Variants in TARM1 observed in about 807,000 individuals in gnomAD.
TARM1 encodes the protein T-cell-interacting, activating receptor on myeloid cells protein 1.
TARM1 carries 24 observed loss-of-function variants against 30.4 expected under a neutral mutation model. The ratio of observed to expected loss-of-function variants is 0.79; its 90% CI spans 0.57 to 1.11. TARM1 has a LOEUF of 1.11. Among genes scored for constraint, TARM1 ranks in the 50% least tolerant of loss-of-function variants. TARM1 has a pLI of 0.00. For synonymous variants in TARM1, 129 were observed against 138.9 expected, an observed-to-expected ratio of 0.93 and a Z score of 0.50; for missense variants, 323 against 332.8, an observed-to-expected ratio of 0.97 and a Z score of 0.23.
At chr19:54,074,435 C>A (rs2071893382) in intron 3 of TARM1, among the ~76,000 whole-genome samples, 1 of 152,214 alleles carries the variant, frequency 6.6e-6, no homozygotes, top group Admixed American at 6.5e-5. Flanking sequence ...GTAATCCCAG[C>A]ACTTTGGGAG....
Position 54,079,468 on chromosome 19 carries a change from T to C in TARM1, c.34+1839A>G, listed in dbSNP as rs587642192. Among the ~76,000 whole-genome samples, 280 of 152,278 alleles carry C rather than the reference T, an allele frequency of 1.8e-3. 2 individuals are homozygous for C. Among genetic ancestry groups the C allele is most frequent in the Middle Eastern group, 0.014 (4 of 294 alleles). ...CTGGGCGTGTCTGTGAGGGTGTTTT[T>C]AGAAAGATCAGCATTTGAATCTAAT... On this transcript the variant is annotated intron_variant, in intron 1 of 4. Coordinates refer to ENST00000432826, the MANE Select transcript of TARM1 (RefSeq NM_001135686.3).
At chr19:54,080,488 A>AAGGGAGGG (rs2072098202) in intron 1 of TARM1, among the ~76,000 whole-genome samples, 12 of 75,696 alleles carry the variant, frequency 1.6e-4, no homozygotes, top group Non-Finnish European at 2.8e-4. Flanking sequence ...GAGAGAGAGG[A>AAGGGAGGG]AGGAAGGGAG....
chr19:54,070,218 G>A, intron 4 of TARM1, 58 bp from the exon 5 acceptor site: 1 of 1,512,128 alleles, frequency 6.6e-7, no homozygotes, highest in East Asian at 2.5e-5. Flanking sequence ...CTTCTCAAAT[G>A]GCCCCACCAA....
intron 4 of TARM1, among the ~76,000 whole-genome samples, chr19:54,071,506 C>T (rs915175230): frequency 6.6e-6 from 1 of 151,972 alleles, no homozygotes; most frequent in Admixed American, 6.6e-5. Flanking sequence ...CACTGCTGTG[C>T]AGCAGTGCAC....
intron 1 of TARM1, among the ~76,000 whole-genome samples, chr19:54,080,500 A>AAGGAAGGAAGGAAGGAAGGAAGGG (rs2072100895): frequency 4.7e-5 from 2 of 42,380 alleles, no homozygotes; most frequent in Non-Finnish European, 8.9e-5. Flanking sequence ...GGAAGGGAGG[A>AAGGAAGGAAGGAAGGAAGGAAGGG]AGGAAGGAAG....
chr19:54,079,998 G>A (rs1374835235), intron 1 of TARM1, among the ~76,000 whole-genome samples: 2 of 99,554 alleles, frequency 2.0e-5, no homozygotes, highest in African/African-American at 9.2e-5. Context: ...GTGAGACTTT[G>A]TCTCAAAAAA....
At chr19:54,078,910 C>CAA (rs1434986706) in intron 1 of TARM1, among the ~76,000 whole-genome samples, 1 of 151,870 alleles carries the variant, frequency 6.6e-6, no homozygotes, top group Non-Finnish European at 1.5e-5. Flanking sequence ...CAAAAAAGAA[C>CAA]AAGTGTTATG....
chr19:54,075,276 C>G (rs1190950157), intron 2 of TARM1, among the ~76,000 whole-genome samples, 162 bp from the exon 3 acceptor site: 1 of 151,914 alleles, frequency 6.6e-6, no homozygotes, highest in Non-Finnish European at 1.5e-5. Flanking sequence ...CAACCTCCGT[C>G]TCCTGGGTTA....
intron 3 of TARM1, 121 bp downstream of exon 3, chr19:54,074,703 C>G (rs1238108822): frequency 9.2e-7 from 1 of 1,086,260 alleles, no homozygotes; most frequent in African/African-American, 1.6e-5. Context: ...GTTCCTGTCT[C>G]TCTCCCTCTC....
intron 1 of TARM1, among the ~76,000 whole-genome samples, chr19:54,080,009 A>T (rs2072055594): frequency 2.5e-5 from 1 of 39,898 alleles, no homozygotes; most frequent in Non-Finnish European, 4.4e-5. Flanking sequence ...TCTCAAAAAA[A>T]GGAAAAGGAG....
intron 1 of TARM1, among the ~76,000 whole-genome samples, chr19:54,077,294 C>T (rs990918783): frequency 4.6e-5 from 7 of 151,720 alleles, no homozygotes; most frequent in Admixed American, 3.3e-4. Context: ...GGCAGAGAAT[C>T]GCTTGAACCC....
intron 4 of TARM1, 147 bp downstream of exon 4, chr19:54,073,773 A>C: frequency 9.5e-7 from 1 of 1,049,808 alleles, no homozygotes; most frequent in East Asian, 2.6e-5. Flanking sequence ...GATGACAGGC[A>C]TGAGCCACCA....
intron 1 of TARM1, among the ~76,000 whole-genome samples, chr19:54,080,110 A>G (rs2072067483): frequency 3.7e-5 from 1 of 27,390 alleles, no homozygotes; most frequent in African/African-American, 1.5e-4. Flanking sequence ...GAAGGAAGGA[A>G]GGAAGGAAGG....
intron 4 of TARM1, among the ~76,000 whole-genome samples, chr19:54,071,975 G>A (rs989708443): frequency 3.3e-5 from 5 of 152,040 alleles, no homozygotes; most frequent in Non-Finnish European, 4.4e-5. Flanking sequence ...GGCAGATCAC[G>A]AGGTCAGGAG....
intron 2 of TARM1, among the ~76,000 whole-genome samples, chr19:54,075,387 T>C (rs1255906940): frequency 2.0e-5 from 3 of 151,632 alleles, no homozygotes; most frequent in Non-Finnish European, 4.4e-5. Flanking sequence ...GGTTTCACCA[T>C]GTTGGCCAGG....
chr19:54,078,735 T>C (rs2072022929), intron 1 of TARM1, among the ~76,000 whole-genome samples: 1 of 147,902 alleles, frequency 6.8e-6, no homozygotes, highest in South Asian at 2.1e-4. Context: ...ACTCCTGGGC[T>C]CAAGCGATCT....
intron 4 of TARM1, among the ~76,000 whole-genome samples, chr19:54,071,817 T>A (rs1236596062): frequency 6.9e-6 from 1 of 144,554 alleles, no homozygotes; most frequent in Non-Finnish European, 1.5e-5. Context: ...GGCGACAGAG[T>A]GAGACTCCAT....
chr19:54,074,120 A>G lies in TARM1; in HGVS notation c.458T>C (p.Phe153Ser). The part of the protein sequence containing the change: ...TLQCQKRDQL[F>S]VPIMFALLKA... ...CAGTAGAGCGAACATGATAGGCACA[A>G]ACAATTGGTCTCGCTTCTGGCACTG... The change falls in exon 4 of 5, where the codon TTT becomes TCT. Residue 153 changes from phenylalanine to serine, a missense_variant. By Grantham distance (155) the Phe-to-Ser change is radical (BLOSUM62 -2). Transcript: ENST00000432826. The G allele has an allele frequency of 6.4e-7, 1 of 1,551,690 alleles. No homozygotes were observed. Among genetic ancestry groups the G allele is most frequent in the Non-Finnish European group, 8.7e-7 (1 of 1,146,990 alleles).
At chr19:54,080,618 A>C (rs2072107259) in intron 1 of TARM1, among the ~76,000 whole-genome samples, 1 of 151,470 alleles carries the variant, frequency 6.6e-6, no homozygotes, top group South Asian at 2.1e-4. Flanking sequence ...GGTGATGGTT[A>C]CACAGCGGCC....
Sources: gnomAD v4.1 joint callset for allele counts (sites outside exome capture counted in the v4.1 genomes callset) on GRCh38, gnomAD v4.1.1 for gene constraint, MANE v1.5 for transcripts, NCBI Gene and HGNC (gene_info 2026-07-23, HGNC 2026-07-21) for gene names.